Variants in PLEKHG5 observed in about 807,000 individuals in gnomAD.
PLEKHG5 encodes the protein pleckstrin homology and RhoGEF domain containing G5.
PLEKHG5 carries 52 observed loss-of-function variants against 103.8 expected under a neutral mutation model. The observed-to-expected ratio is 0.50, with a 90% CI of 0.40 to 0.63. The LOEUF (loss-of-function observed/expected upper bound fraction) is 0.63. PLEKHG5 is among the 30% of genes least tolerant of loss of function. The pLI, the probability that PLEKHG5 is intolerant of heterozygous loss-of-function variation, is 0.00. For missense variants in PLEKHG5, 1,205 were observed against 1,347.6 expected (o/e 0.89, Z 1.66); for synonymous variants, 592 against 575.5 (o/e 1.03, Z -0.41).
chr1:6,500,740 C>A (rs545894540), upstream of PLEKHG5, among the ~76,000 whole-genome samples: 1 of 152,196 alleles, frequency 6.6e-6, no homozygotes, highest in South Asian at 2.1e-4. Context: ...CGTCCCTAGG[C>A]GGACCTGGAA....
chr1:6,514,736 G>A (rs1478642537), intron 1 of PLEKHG5, among the ~76,000 whole-genome samples: 1 of 151,112 alleles, frequency 6.6e-6, no homozygotes, highest in Non-Finnish European at 1.5e-5. Flanking sequence ...ACTCCAGCCT[G>A]GGTGACAGAG....
chr1:6,470,746 C>A lies in PLEKHG5; in HGVS notation c.1531G>T (p.Val511Phe), dbSNP rs1470385932. 1 of 1,560,244 alleles carries A rather than the reference C, an allele frequency of 6.4e-7. No homozygotes were observed. Among genetic ancestry groups the A allele is most frequent in the South Asian group, 1.2e-5 (1 of 85,244 alleles). ...GCCATCAGGGTTACCATGGCGACGACGGCCTCCTTGGCGCGCGGCTCCTCG... is the reference window on the plus strand; with the variant it reads ...GCCATCAGGGTTACCATGGCGACGAAGGCCTCCTTGGCGCGCGGCTCCTCG... ...KTEEPRAKEA[V>F]VAMIGSVERF... The change falls in exon 14 of 21, where the codon GTC becomes TTC. Residue 511 changes from valine (V) to phenylalanine (F), a missense_variant. Coordinates refer to ENST00000377728, the MANE Select transcript of PLEKHG5 (RefSeq NM_020631.6).
At position 6,469,389 on chromosome 1, in the gene PLEKHG5, C is replaced by A; in HGVS notation, c.1995G>T (p.Gln665His). ...CACGGCACAAGGCCTGGCCACTGGC[C>A]TGGAACGTGTAGGCCCCTACAGCAC... ...FHSAVGAYTF[Q>H]ASGQALCRGW... Residue 665 changes from glutamine (Q) to histidine (H), a missense_variant, in exon 18 of 21, where the codon CAG becomes CAT. By Grantham distance (24) the Gln-to-His change is conservative. Transcript: ENST00000377728. The A allele has an allele frequency of 6.2e-7, 1 of 1,614,166 alleles. No homozygotes were observed. Among genetic ancestry groups the A allele is most frequent in the East Asian group, 2.2e-5 (1 of 44,888 alleles).
At chr1:6,500,176 C>T (rs1466354312), upstream of PLEKHG5, among the ~76,000 whole-genome samples, 1 of 152,184 alleles carries the variant, frequency 6.6e-6, no homozygotes, top group East Asian at 1.9e-4. Flanking sequence ...TGATTCCGAT[C>T]CCCTTCCTGA....
In PLEKHG5 at chr1:6,467,503, C is replaced by T; in HGVS notation, c.*60G>A. On this transcript the variant is annotated 3_prime_UTR_variant, in exon 21 of 21. Coordinates refer to ENST00000377728, the MANE Select transcript of PLEKHG5 (RefSeq NM_020631.6). ...TAGCTGAAGCAGGTGCCGGCACGCC[C>T]CAGGAGGCAGGCTGTCTGCTGTCTC... The T allele has an allele frequency of 1.3e-6, 2 of 1,569,134 alleles. No homozygotes were observed. Among genetic ancestry groups the T allele is most frequent in the Admixed American group, 1.7e-5 (1 of 59,976 alleles).
At chr1:6,480,808 C>T (rs1037927974) in intron 1 of PLEKHG5, among the ~76,000 whole-genome samples, 1 of 151,804 alleles carries the variant, frequency 6.6e-6, no homozygotes, top group African/African-American at 2.4e-5. Context: ...ACCACCATAC[C>T]CAGCTAATTT....
At chr1:6,493,726 G>A (rs1180241095), upstream of PLEKHG5, among the ~76,000 whole-genome samples, 1 of 152,128 alleles carries the variant, frequency 6.6e-6, no homozygotes, top group Non-Finnish European at 1.5e-5. Context: ...CGTGATCTCA[G>A]CTCACTGCAA....
In PLEKHG5 at chr1:6,469,640, A is replaced by C; in HGVS notation, c.1837T>G (p.Leu613Val). The C allele has an allele frequency of 2.5e-6, 4 of 1,613,680 alleles. No homozygotes were observed. The South Asian group carries it at 3.3e-5, about 13-fold the overall frequency. The part of the protein sequence containing the change: ...VYCFLFTDLL[L>V]VTKAVKKAER... ...GCCTTCTTCACTGCTTTGGTCACCA[A>C]CAGCAGATCCGTGAAGAGGAAGCAG... is the stretch of plus-strand genomic sequence containing the variant. The change falls in exon 17 of 21, where the codon TTG becomes GTG. Residue 613 changes from leucine to valine, a missense_variant. Physicochemically the swap from Leu to Val is conservative, Grantham distance 32. Transcript: ENST00000377728.
intron 1 of PLEKHG5, among the ~76,000 whole-genome samples, chr1:6,515,142 C>T (rs1168801432): frequency 1.3e-5 from 2 of 152,188 alleles, no homozygotes; most frequent in African/African-American, 2.4e-5. Context: ...GTGCTAAATG[C>T]TTTGAACATT....
Position 6,474,524 on chromosome 1 carries a change from C to T in PLEKHG5, c.366G>A (p.Leu122=). The part of the protein sequence containing the change: ...GIALGKVDIY[L]DQSNTPLSLT... ...GGGACAGGGGTGTGTTGGACTGGTC[C>T]AGGTAGATGTCCACTTTGCCCAGCG... The change falls in exon 6 of 21, where the codon CTG becomes CTA. Residue 122 remains leucine, a synonymous_variant. Transcript: ENST00000377728. 2 of 1,613,892 alleles carry T rather than the reference C, an allele frequency of 1.2e-6. No homozygotes were observed. The highest frequency in any genetic ancestry group is 1.7e-6 in the Non-Finnish European group (2 of 1,179,912).
At position 6,469,550 on chromosome 1, in the gene PLEKHG5, C is replaced by T. The variant is rs1262665577; in HGVS notation, c.1927G>A (p.Asp643Asn). 6.2e-7 allele frequency: 1 copy of T among 1,613,842 alleles called. No individual in the cohort carries two copies. Among genetic ancestry groups the T allele is most frequent in the Non-Finnish European group, 8.5e-7 (1 of 1,180,038 alleles). Residue 643 changes from aspartate to asparagine, a missense_variant, in exon 17 of 21, where the codon GAC becomes AAC. By Grantham distance (23) the Asp-to-Asn change is conservative. Coordinates refer to ENST00000377728, the MANE Select transcript of PLEKHG5 (RefSeq NM_020631.6). ...GGGGACCAGGGCTCCTTACCAGGGTCCCGTAGCTCCCGGCACACAATCTTG... is the reference window on the plus strand; with the variant it reads ...GGGGACCAGGGCTCCTTACCAGGGTTCCGTAGCTCCCGGCACACAATCTTG... ...VDKIVCRELR[D>N]PGSFLLIYLN...
At chr1:6,515,945 C>A (rs992986674) in intron 1 of PLEKHG5, among the ~76,000 whole-genome samples, 1 of 152,262 alleles carries the variant, frequency 6.6e-6, no homozygotes, top group Admixed American at 6.5e-5. Flanking sequence ...ACATGGAAGA[C>A]GGTGACCACT....
intron 1 of PLEKHG5, chr1:6,519,364 T>C: frequency 1.8e-6 from 2 of 1,130,300 alleles, no homozygotes; most frequent in Non-Finnish European, 2.7e-6. Flanking sequence ...CTTGGAGCCC[T>C]CCAAGACCTG....
chr1:6,485,853 GC>G, intron 1 of PLEKHG5: 2 of 987,744 alleles, frequency 2.0e-6, no homozygotes, highest in South Asian at 4.7e-5. Flanking sequence ...CCTCTGCGCG[GC>G]CCCGGGCCCC....
At chr1:6,485,232 G>A in intron 1 of PLEKHG5, 1 of 859,100 alleles carries the variant, frequency 1.2e-6, no homozygotes, top group East Asian at 3.4e-5. Context: ...ATAGTCACGG[G>A]CACCCCCTCC....
chr1:6,468,487 C>A lies in PLEKHG5; in HGVS notation c.2349G>T (p.Gln783His). 2 of 1,613,118 alleles carry A rather than the reference C, an allele frequency of 1.2e-6. No individual in the cohort carries two copies. Among genetic ancestry groups the A allele is most frequent in the East Asian group, 4.5e-5 (2 of 44,872 alleles). Residue 783 changes from glutamine to histidine, a missense_variant, in exon 20 of 21, where the codon CAG (glutamine) becomes CAT (histidine). Gln to His is a conservative substitution (Grantham distance 24). Transcript: ENST00000377728. ...TGGTGCTGAGAGAGGTCTCATCAGA[C>A]TGGGAGCTGAAAGGACCGCTGTCGA... ...PEFDSGPFSS[Q>H]SDETSLSTTA...
exon 1 of PLEKHG5, chr1:6,519,470 G>A: frequency 6.2e-7 from 1 of 1,613,798 alleles, no homozygotes; most frequent in Non-Finnish European, 8.5e-7. Flanking sequence ...GGCTGAGCCA[G>A]CTTCGAGGTG....
In PLEKHG5 at chr1:6,490,395, C is replaced by A. The variant is rs1432694266; in HGVS notation, c.-88+1242G>T. ...CATCGGTTTAGGGGGGTCCTGGCGC[C>A]TAGTCCCACCCCCCGTCCGGAGCGC... On this transcript the variant is annotated intron_variant, in intron 1 of 20. Coordinates refer to ENST00000377728, the MANE Select transcript of PLEKHG5 (RefSeq NM_020631.6). The surrounding 1 kb of genome is among the most constrained non-coding windows in gnomAD (Gnocchi z 8.0). 3.1e-6 allele frequency: 3 copies of A among 960,980 alleles called. No homozygotes were observed. The South Asian group carries it at 1.4e-4, about 46-fold the overall frequency. 59.5% of individuals were successfully genotyped at this position (960,980 alleles called of 1,614,324 possible). A position where few individuals can be genotyped will look rare whatever the true frequency, so the allele number is the denominator to read the frequency against.
rs74809741 is a variant in PLEKHG5, at chr1:6,471,529, C to T, written c.1240G>A (p.Ala414Thr). ...AGGAAGTCCCCGGGCTGTAGCAGCG[C>T]TCGCGTGCGCCGCGCCTTCTCCAGC... ...PVLEKARRTR[A>T]LLQPGDFLKG... Residue 414 changes from alanine (A) to threonine (T), a missense_variant, in exon 12 of 21, where the codon GCG becomes ACG. Coordinates refer to ENST00000377728, the MANE Select transcript of PLEKHG5 (RefSeq NM_020631.6). 89,805 of 1,609,860 alleles carry T rather than the reference C, an allele frequency of 0.056. 2,644 individuals are homozygous for T. Among genetic ancestry groups the T allele is most frequent in the Middle Eastern group, 0.085 (506 of 5,950 alleles).
Sources: allele counts gnomAD v4.1 joint callset (sites outside exome capture counted in the v4.1 genomes callset), GRCh38; gene constraint gnomAD v4.1.1; non-coding constraint Gnocchi (gnomAD v3.1); transcripts MANE v1.5; gene names NCBI Gene and HGNC (gene_info 2026-07-23, HGNC 2026-07-21).